ACSS2: variants seen among roughly 807,000 people sequenced by gnomAD.
ACSS2 encodes acetyl-coenzyme A synthetase, cytoplasmic.
Under a neutral mutation model 90.6 loss-of-function variants are expected in ACSS2, and 58 were observed. That is an observed-to-expected ratio of 0.64 (90% CI 0.52 to 0.80). The LOEUF is 0.80. ACSS2 is among the 30% of genes least tolerant of loss of function. ACSS2 has a pLI of 0.00. For synonymous variants in ACSS2, 300 were observed against 330.9 expected, an observed-to-expected ratio of 0.91 and a Z score of 1.01; for missense variants, 759 against 912.0, an observed-to-expected ratio of 0.83 and a Z score of 2.16.
At chr20:34,886,183 A>G (rs2080187699) in intron 2 of ACSS2, among the ~76,000 whole-genome samples, 1 of 152,156 alleles carries the variant, frequency 6.6e-6, no homozygotes, top group African/African-American at 2.4e-5. Flanking sequence ...TAGTTCTTAT[A>G]TACCTCTCTA....
intron 2 of ACSS2, among the ~76,000 whole-genome samples, chr20:34,903,381 G>C (rs2080718544): frequency 6.6e-6 from 1 of 151,308 alleles, no homozygotes; most frequent in Admixed American, 6.6e-5. Context: ...GCTGGGTGAT[G>C]TGTGGACTGG....
chr20:34,921,321 C>T lies in ACSS2; in HGVS notation c.1278-9C>T, dbSNP rs749915175. 6.2e-7 allele frequency: 1 copy of T among 1,614,050 alleles called. No individual in the cohort carries two copies. Among genetic ancestry groups the T allele is most frequent in the Non-Finnish European group, 8.5e-7 (1 of 1,180,000 alleles). On this transcript the variant is annotated splice_polypyrimidine_tract_variant and intron_variant, in intron 10 of 17. Coordinates refer to ENST00000360596, the MANE Select transcript of ACSS2 (RefSeq NM_018677.4). ...CAGAGCCTTCCTCTCTCCCATTCCC[C>T]TGCCCCAGGCATAGCCGGGCATCCT...
rs1411193927 is a variant in ACSS2, at chr20:34,876,810, G to C, written c.165G>C (p.Val55=). 3 of 1,311,154 alleles carry C rather than the reference G, an allele frequency of 2.3e-6. No individual in the cohort carries two copies. In the South Asian group the frequency reaches 6.6e-5, roughly 29 times the overall value. 81.2% of individuals were successfully genotyped at this position (1,311,154 alleles called of 1,614,324 possible). The change falls in exon 1 of 18, where the codon GTG becomes GTC. Residue 55 remains valine, a synonymous_variant. Transcript: ENST00000360596. The stretch of plus-strand genomic sequence containing the variant: ...ACCGCGAGCTGCACCGGCGCTCCGT[G>C]GAGGAGCCGCGGGGTGAGGCCCGGC... ...QRYRELHRRS[V]EEPREFWGDI... is the part of the protein sequence containing the mutation.
chr20:34,899,170 C>A (rs552722859), intron 2 of ACSS2, among the ~76,000 whole-genome samples: 1 of 152,292 alleles, frequency 6.6e-6, no homozygotes, highest in Non-Finnish European at 1.5e-5. Flanking sequence ...GCCCCGGTTC[C>A]CGCTCGGGCC....
chr20:34,907,392 C>T (rs2080835256), intron 2 of ACSS2, among the ~76,000 whole-genome samples: 2 of 152,218 alleles, frequency 1.3e-5, no homozygotes, highest in Non-Finnish European at 1.5e-5. Context: ...TGTGGGATTA[C>T]ATGTGTGGCA....
chr20:34,890,332 C>A (rs752888671), intron 2 of ACSS2, among the ~76,000 whole-genome samples: 5 of 152,084 alleles, frequency 3.3e-5, no homozygotes, highest in Admixed American at 6.5e-5. Context: ...TGCTGTCTTC[C>A]CCCTGGTGTG....
chr20:34,876,583 T>A, upstream of ACSS2: 1 of 1,283,066 alleles, frequency 7.8e-7, no homozygotes. Context: ...GTTCGGCCTG[T>A]TTTCTCAGTC....
Position 34,882,819 on chromosome 20 carries a change from A to C in ACSS2, c.204A>C (p.Glu68Asp). 6.2e-7 allele frequency: 1 copy of C among 1,612,296 alleles called. No individual in the cohort carries two copies. Among genetic ancestry groups the C allele is most frequent in the Non-Finnish European group, 8.5e-7 (1 of 1,179,520 alleles). Residue 68 changes from glutamate to aspartate, a missense_variant, in exon 2 of 18, where the codon GAA becomes GAC. Physicochemically the swap from Glu to Asp is conservative, Grantham distance 45. Transcript: ENST00000360596. Reference protein sequence around the residue: ...PREFWGDIAKEFYWKTPCPGP... With the variant: ...PREFWGDIAKDFYWKTPCPGP... Reference sequence around the variant, plus strand: ...AATTCTGGGGAGACATTGCCAAGGAATTTTACTGGAAGACTCCATGCCCTG... The same window carrying C: ...AATTCTGGGGAGACATTGCCAAGGACTTTTACTGGAAGACTCCATGCCCTG...
intron 2 of ACSS2, among the ~76,000 whole-genome samples, chr20:34,899,803 T>C (rs753979197): frequency 1.3e-5 from 2 of 152,164 alleles, no homozygotes; most frequent in Admixed American, 1.3e-4. Flanking sequence ...TTTTCTTTAT[T>C]CATTCCTCAA....
chr20:34,913,791 C>A lies in ACSS2; in HGVS notation c.609C>A (p.Ile203=), dbSNP rs1218330483. The A allele has an allele frequency of 1.2e-6, 2 of 1,614,150 alleles. No individual in the cohort carries two copies. Among genetic ancestry groups the A allele is most frequent in the African/African-American group, 1.3e-5 (1 of 75,026 alleles). Residue 203 remains isoleucine (I), a synonymous_variant, in exon 5 of 18, where the codon ATC becomes ATA. Coordinates refer to ENST00000360596, the MANE Select transcript of ACSS2 (RefSeq NM_018677.4). ...CTTCAGAGTCTCTATGTGAACGGAT[C>A]TTGGATTCCAGCTGCAGTCTTCTCA... is the stretch of plus-strand genomic sequence containing the variant. ...GFSSESLCER[I]LDSSCSLLIT...
At chr20:34,920,785 G>T (rs3746450) in intron 9 of ACSS2, 76 bp downstream of exon 9, 921,888 of 1,528,560 alleles carry the variant, frequency 0.6, 282,696 homozygotes, top group South Asian at 0.74. Context: ...AGGCTGCTTG[G>T]TCTAGAGGGA....
At position 34,914,487 on chromosome 20, in the gene ACSS2, T is replaced by C. The variant is rs891206799; in HGVS notation, c.834+50T>C. 4.0e-6 allele frequency: 6 copies of C among 1,501,186 alleles called. No homozygotes were observed. In the African/African-American group the frequency reaches 7.0e-5, roughly 17 times the overall value. 93.0% of individuals were successfully genotyped at this position (1,501,186 alleles called of 1,614,324 possible). ...TCTCCAGGCTCAAATTCCTTCACTT[T>C]TCCTGCCTAGAAAATTCTTGATGTC... On this transcript the variant is annotated intron_variant, in intron 7 of 17. Transcript: ENST00000360596.
intron 14 of ACSS2, among the ~76,000 whole-genome samples, chr20:34,925,229 G>A (rs897051191): frequency 2.6e-5 from 4 of 152,140 alleles, no homozygotes; most frequent in Non-Finnish European, 4.4e-5. Flanking sequence ...TTTCAGTCAA[G>A]CTGTTGGTAG....
Position 34,917,042 on chromosome 20 carries a change from C to T in ACSS2, c.835-2393C>T, listed in dbSNP as rs2081089941. On this transcript the variant is annotated intron_variant, in intron 7 of 17. Coordinates refer to ENST00000360596, the MANE Select transcript of ACSS2 (RefSeq NM_018677.4). ...TGCTTCCTGGTGCTAGTTATCAGTT[C>T]CACACCTGGAGTACTCTGACCCCTC... Among the ~76,000 whole-genome samples the T allele has an allele frequency of 6.6e-5, 10 of 152,308 alleles. No homozygotes were observed. The South Asian group carries it at 2.1e-3, about 32-fold the overall frequency.
At chr20:34,923,118 G>C in intron 13 of ACSS2, 1 of 517,464 alleles carries the variant, frequency 1.9e-6, no homozygotes, top group Non-Finnish European at 3.5e-6. Flanking sequence ...TTACAGATGA[G>C]GATCCTGAAG....
chr20:34,905,372 A>G (rs1159953736), intron 2 of ACSS2, among the ~76,000 whole-genome samples: 1 of 151,268 alleles, frequency 6.6e-6, no homozygotes, highest in Non-Finnish European at 1.5e-5. Context: ...TCCTGGGTTC[A>G]CGCCATCCTC....
At chr20:34,884,287 C>T (rs970958697) in intron 2 of ACSS2, among the ~76,000 whole-genome samples, 4 of 152,170 alleles carry the variant, frequency 2.6e-5, no homozygotes, top group Non-Finnish European at 5.9e-5. Context: ...CCAATAGGAG[C>T]AGCTTGGATG....
chr20:34,879,017 G>T (rs2146958318), intron 1 of ACSS2, among the ~76,000 whole-genome samples: 1 of 148,640 alleles, frequency 6.7e-6, no homozygotes, highest in South Asian at 2.1e-4. Context: ...CCATTCTCCT[G>T]CCTCAGCCTC....
At chr20:34,878,895 C>CTTTTTTTTTTTTTTTTTTTTTTTTT in intron 1 of ACSS2, among the ~76,000 whole-genome samples, 1 of 128,526 alleles carries the variant, frequency 7.8e-6, no homozygotes, top group Non-Finnish European at 1.7e-5. Flanking sequence ...TTCTGCTTTT[C>CTTTTTTTTTTTTTTTTTTTTTTTTT]TTTTTTTTTT....
Sources: allele counts gnomAD v4.1 joint callset (sites outside exome capture counted in the v4.1 genomes callset), GRCh38; gene constraint gnomAD v4.1.1; transcripts MANE v1.5; gene names NCBI Gene and HGNC (gene_info 2026-07-23, HGNC 2026-07-21).